The following EVI5 variants were observed in gnomAD, a reference collection of about 807,000 sequenced individuals.
EVI5 encodes ecotropic viral integration site 5 protein homolog.
Under a neutral mutation model 112.0 loss-of-function variants are expected in EVI5, and 73 were observed. The observed-to-expected ratio is 0.65, with a 90% CI of 0.54 to 0.79. EVI5 has a LOEUF of 0.79. Ranked by LOEUF, EVI5 falls within the 30% of genes least tolerant of loss-of-function variation. EVI5 has a pLI of 0.00. For missense variants in EVI5, 900 were observed against 968.8 expected (o/e 0.93, Z 0.94); for synonymous variants, 305 against 319.9 (o/e 0.95, Z 0.50).
intron 18 of EVI5, among the ~76,000 whole-genome samples, chr1:92,583,494 G>C (rs1178229039): frequency 1.8e-5 from 2 of 109,444 alleles, no homozygotes; most frequent in South Asian, 3.3e-4. Context: ...CTGGGCGACA[G>C]AGTGAGGCTC....
intron 19 of EVI5, among the ~76,000 whole-genome samples, chr1:92,544,079 C>A (rs189033627): frequency 9.2e-5 from 14 of 152,260 alleles, no homozygotes; most frequent in African/African-American, 3.4e-4. Context: ...TCACAGAAAA[C>A]CACAGGTTCT....
chr1:92,647,190 G>GTCCTTCTCT (rs1661135883), intron 13 of EVI5: 1 of 161,352 alleles, frequency 6.2e-6, no homozygotes, highest in Non-Finnish European at 1.4e-5. Context: ...CATCCTTCTC[G>GTCCTTCTCT]TATTTCTCCC....
intron 16 of EVI5, among the ~76,000 whole-genome samples, chr1:92,610,419 A>G (rs1651488409): frequency 6.6e-6 from 1 of 152,208 alleles, no homozygotes; most frequent in South Asian, 2.1e-4. Flanking sequence ...TATGGTTGAT[A>G]AATAATACAC....
chr1:92,560,652 C>G (rs1166553020), intron 19 of EVI5, among the ~76,000 whole-genome samples: 1 of 152,036 alleles, frequency 6.6e-6, no homozygotes. Flanking sequence ...GCCTTGACCT[C>G]CTGGGTTCAA....
Position 92,548,890 on chromosome 1 carries a change from A to G in EVI5, c.2166+14752T>C, listed in dbSNP as rs528369230. ...GAACATTCCATGCTCATGGATAGGA[A>G]GAATCAACATCATGGAAATGGCCAC... On this transcript the variant is annotated intron_variant, in intron 19 of 19. Coordinates refer to ENST00000684568, the MANE Select transcript of EVI5 (RefSeq NM_001350197.2). 2.6e-5 allele frequency among the ~76,000 whole-genome samples: 4 copies of G among 152,384 alleles called. No homozygotes were observed. The South Asian group carries it at 8.3e-4, about 32-fold the overall frequency.
intron 18 of EVI5, among the ~76,000 whole-genome samples, chr1:92,589,339 AAGGG>A (rs1385685988): frequency 4.6e-5 from 7 of 152,310 alleles, no homozygotes; most frequent in African/African-American, 1.7e-4. Flanking sequence ...AGGGAAGCAC[AAGGG>A]GTCAGGGAAT....
intron 2 of EVI5, among the ~76,000 whole-genome samples, chr1:92,709,196 A>G (rs375544165): frequency 3.9e-5 from 6 of 152,308 alleles, no homozygotes; most frequent in Admixed American, 3.9e-4. Flanking sequence ...AAAGGACACA[A>G]AGGAATTTTC....
At chr1:92,668,061 A>G (rs6699723) in intron 10 of EVI5, among the ~76,000 whole-genome samples, 13,547 of 152,210 alleles carry the variant, frequency 0.089, 1,719 homozygotes, top group African/African-American at 0.28. Context: ...TTTTGCCAGT[A>G]AAGACTTAAA....
At chr1:92,553,297 ATTTTTTTTTT>A (rs147973775) in intron 19 of EVI5, among the ~76,000 whole-genome samples, 3 of 74,214 alleles carry the variant, frequency 4.0e-5, no homozygotes, top group Admixed American at 4.2e-4. Context: ...CACCTGGCCA[ATTTTTTTTTT>A]TTTTTTTTTT....
rs77153745 is a variant in EVI5 at position 92,571,063 on chromosome 1, T to G, written c.2071-7326A>C. On this transcript the variant is annotated intron_variant, in intron 18 of 19. Transcript: ENST00000684568. Reference sequence around the variant, plus strand: ...AAATCCAATTATATAGTTGTCTTATTTAGATTTAAATAAAATTTAATAAAG... The same window carrying G: ...AAATCCAATTATATAGTTGTCTTATGTAGATTTAAATAAAATTTAATAAAG... Among the ~76,000 whole-genome samples the G allele has an allele frequency of 2.8e-4, 43 of 151,894 alleles. No individual in the cohort carries two copies. In the East Asian group the frequency reaches 6.9e-3, roughly 25 times the overall value.
At chr1:92,612,665 G>A (rs956594890) in intron 16 of EVI5, among the ~76,000 whole-genome samples, 16 of 140,854 alleles carry the variant, frequency 1.1e-4, no homozygotes, top group African/African-American at 4.0e-4. Context: ...AGCTGAGATC[G>A]CGCCACTGCA....
In EVI5 at chr1:92,662,705, A is replaced by G. The variant is rs1401782255; in HGVS notation, c.1392+14T>C. 9 of 1,221,904 alleles carry G rather than the reference A, an allele frequency of 7.4e-6. No homozygotes were observed. The highest frequency in any genetic ancestry group is 3.1e-5 in the Admixed American group (1 of 32,358). The allele number at this position is 1,221,904 out of a possible 1,614,324, so 75.7% of individuals were successfully genotyped here. ...GGATGAGAAAGATGAGAAAAGCACT[A>G]CCAGACTCCTTACCCATTGTTGTTG... On this transcript the variant is annotated intron_variant, in intron 13 of 19. Transcript: ENST00000684568.
At chr1:92,525,267 CTTTTTT>C (rs745392747) in intron 19 of EVI5, among the ~76,000 whole-genome samples, 96 of 104,402 alleles carry the variant, frequency 9.2e-4, no homozygotes, top group African/African-American at 3.5e-3. Context: ...ATGACAATGC[CTTTTTT>C]TTTTTTTTTT....
chr1:92,723,265 A>G (rs1287894537), intron 2 of EVI5, among the ~76,000 whole-genome samples: 1 of 152,254 alleles, frequency 6.6e-6, no homozygotes, highest in Non-Finnish European at 1.5e-5. Flanking sequence ...CATGATATTA[A>G]GTCCAATATC....
chr1:92,679,849 G>A (rs1450307569), intron 9 of EVI5, among the ~76,000 whole-genome samples: 1 of 152,118 alleles, frequency 6.6e-6, no homozygotes, highest in Non-Finnish European at 1.5e-5. Context: ...TGGGTTTTCA[G>A]GAGGAAGACC....
At chr1:92,677,298 T>C (rs1302424654) in intron 9 of EVI5, 80 bp from the exon 10 acceptor site, 12 of 704,812 alleles carry the variant, frequency 1.7e-5, no homozygotes, top group Non-Finnish European at 1.4e-5. Context: ...TAAAAATACA[T>C]ATGAACATAA....
At chr1:92,785,889 GGCCAACAT>G (rs536984579), upstream of EVI5, among the ~76,000 whole-genome samples, 163 of 152,088 alleles carry the variant, frequency 1.1e-3, 1 homozygote, top group South Asian at 0.032. Flanking sequence ...AGACCAATCT[GGCCAACAT>G]GGTGAAACCC....
intron 17 of EVI5, among the ~76,000 whole-genome samples, chr1:92,607,146 C>T (rs569107323): frequency 1.2e-3 from 187 of 152,238 alleles, no homozygotes; most frequent in Non-Finnish European, 2.4e-3. Context: ...ATACACATTT[C>T]TTTTGCTCTC....
chr1:92,655,616 A>C (rs1662864904), intron 13 of EVI5, among the ~76,000 whole-genome samples: 1 of 152,168 alleles, frequency 6.6e-6, no homozygotes, highest in Non-Finnish European at 1.5e-5. Context: ...AGACTGAAGG[A>C]AAAAGGGTAG....
Sources: allele counts gnomAD v4.1 joint callset (sites outside exome capture counted in the v4.1 genomes callset), GRCh38; gene constraint gnomAD v4.1.1; transcripts MANE v1.5; gene names NCBI Gene and HGNC (gene_info 2026-07-23, HGNC 2026-07-21).